SLC1A1: variants seen among roughly 807,000 people sequenced by gnomAD.
SLC1A1 encodes solute carrier family 1 member 1.
SLC1A1 carries 43 observed loss-of-function variants against 53.3 expected under a neutral mutation model. That is an observed-to-expected ratio of 0.81 (90% CI 0.63 to 1.04). The LOEUF (loss-of-function observed/expected upper bound fraction) is 1.04, where lower values mean the gene tolerates loss of function less well. Among genes scored for constraint, SLC1A1 ranks in the 50% least tolerant of loss-of-function variants. The pLI, the probability that SLC1A1 is intolerant of heterozygous loss-of-function variation, is 0.00. For synonymous variants in SLC1A1, 307 were observed against 243.2 expected, an observed-to-expected ratio of 1.26 and a Z score of -2.44; for missense variants, 748 against 664.9, an observed-to-expected ratio of 1.12 and a Z score of -1.37.
intron 3 of SLC1A1, among the ~76,000 whole-genome samples, chr9:4,564,100 C>A (rs1819248405): frequency 6.6e-6 from 1 of 152,142 alleles, no homozygotes; most frequent in Non-Finnish European, 1.5e-5. Context: ...CACATACACA[C>A]ACACACAGAC....
chr9:4,498,988 T>TTA (rs1264356591), intron 1 of SLC1A1, among the ~76,000 whole-genome samples: 1 of 136,308 alleles, frequency 7.3e-6, no homozygotes, highest in South Asian at 2.1e-4. Flanking sequence ...ATCTTATATA[T>TTA]TATATATAAG....
chr9:4,516,015 G>A (rs115187127), intron 1 of SLC1A1, among the ~76,000 whole-genome samples: 351 of 152,288 alleles, frequency 2.3e-3, no homozygotes, highest in African/African-American at 8.1e-3. Context: ...CCTTTTGAGT[G>A]TAAGCCACAT....
intron 10 of SLC1A1, among the ~76,000 whole-genome samples, chr9:4,578,102 G>C (rs1820733716): frequency 1.3e-5 from 2 of 152,230 alleles, no homozygotes; most frequent in East Asian, 3.8e-4. Context: ...GATTGAATTT[G>C]AAATGCCTTT....
chr9:4,496,016 TGTGGA>T (rs1586684846), intron 1 of SLC1A1, among the ~76,000 whole-genome samples: 1 of 151,912 alleles, frequency 6.6e-6, no homozygotes, highest in African/African-American at 2.4e-5. Context: ...AGGAGACAAA[TGTGGA>T]GTGGAGTGTC....
chr9:4,531,564 C>G (rs569539042), intron 1 of SLC1A1, among the ~76,000 whole-genome samples: 2 of 152,252 alleles, frequency 1.3e-5, no homozygotes, highest in East Asian at 3.9e-4. Context: ...CCGGGAAGCT[C>G]GAACTGGGTG....
chr9:4,574,795 A>C lies in SLC1A1; in HGVS notation c.875+781A>C, dbSNP rs139173785. ...ACAAGTCAATACCTACAAACACCCA[A>C]CTTGAGCAATGAACTCACCTATTGG... On this transcript the variant is annotated intron_variant, in intron 8 of 11. Transcript: ENST00000262352. Among the ~76,000 whole-genome samples the C allele has an allele frequency of 2.9e-3, 440 of 152,280 alleles. 1 individual carries two copies. Among genetic ancestry groups the C allele is most frequent in the African/African-American group, 9.9e-3 (413 of 41,548 alleles).
rs151011035 is a variant in SLC1A1, at chr9:4,583,146, C to A, written c.1302C>A (p.Thr434=). 626 of 1,614,094 alleles carry A rather than the reference C, an allele frequency of 3.9e-4. No individual in the cohort carries two copies. Among genetic ancestry groups the A allele is most frequent in the Non-Finnish European group, 4.6e-4 (547 of 1,180,052 alleles). ...TGGGCCTGCCCGCCGAGGATGTCACCCTGATCATTGCTGTCGACTGGCTCC... is the reference window on the plus strand; with the variant it reads ...TGGGCCTGCCCGCCGAGGATGTCACACTGATCATTGCTGTCGACTGGCTCC... ...SAVGLPAEDV[T]LIIAVDWLLD... The change falls in exon 11 of 12, where the codon ACC becomes ACA. Residue 434 remains threonine, a synonymous_variant. Coordinates refer to ENST00000262352, the MANE Select transcript of SLC1A1 (RefSeq NM_004170.6). The surrounding 1 kb of genome is among the most constrained non-coding windows in gnomAD (Gnocchi z 4.6).
chr9:4,569,369 C>A (rs1819808775), intron 6 of SLC1A1, among the ~76,000 whole-genome samples: 1 of 152,170 alleles, frequency 6.6e-6, no homozygotes, highest in African/African-American at 2.4e-5. Context: ...AAATATTCTG[C>A]CAAGGAGAGA....
chr9:4,556,471 C>T lies in SLC1A1; in HGVS notation c.233-4978C>T, dbSNP rs1468245250. ...CCCCCTATAGGACAGCTTTCAACTC[C>T]CAGGAGAAACGAGTTCTGATAGTGA... On this transcript the variant is annotated intron_variant, in intron 2 of 11. Coordinates refer to ENST00000262352, the MANE Select transcript of SLC1A1 (RefSeq NM_004170.6). This position sits in a 1 kb window ranked among gnomAD's most constrained non-coding sequence, Gnocchi z 4.1. Among the ~76,000 whole-genome samples, 1 of 152,114 alleles carries T rather than the reference C, an allele frequency of 6.6e-6. No homozygotes were observed. The highest frequency in any genetic ancestry group is 2.4e-5 in the African/African-American group (1 of 41,410).
At chr9:4,536,519 C>A (rs902297409) in intron 1 of SLC1A1, among the ~76,000 whole-genome samples, 10 of 152,220 alleles carry the variant, frequency 6.6e-5, no homozygotes, top group African/African-American at 2.4e-4. Flanking sequence ...GTTAGAATGG[C>A]AATCATTAAA....
intron 1 of SLC1A1, among the ~76,000 whole-genome samples, chr9:4,490,998 T>G (rs1820215121): frequency 6.6e-6 from 1 of 152,214 alleles, no homozygotes; most frequent in East Asian, 1.9e-4. Flanking sequence ...CTCCTTGAGC[T>G]GCTGGTTCCT....
At chr9:4,506,249 GC>G (rs1163156711) in intron 1 of SLC1A1, among the ~76,000 whole-genome samples, 1 of 152,210 alleles carries the variant, frequency 6.6e-6, no homozygotes, top group Non-Finnish European at 1.5e-5. Flanking sequence ...GAGCCATCAT[GC>G]CCGGCCAAAT....
chr9:4,518,638 C>A (rs1815950437), intron 1 of SLC1A1, among the ~76,000 whole-genome samples: 1 of 152,140 alleles, frequency 6.6e-6, no homozygotes, highest in Non-Finnish European at 1.5e-5. Context: ...ACTCCAGCTG[C>A]CTGTCAATGT....
intron 1 of SLC1A1, among the ~76,000 whole-genome samples, chr9:4,513,281 A>G (rs1263105508): frequency 6.6e-6 from 1 of 152,224 alleles, no homozygotes; most frequent in Admixed American, 6.5e-5. Context: ...GACTGGGAGA[A>G]AAGAATTGCA....
At chr9:4,527,103 T>A (rs74481485) in intron 1 of SLC1A1, among the ~76,000 whole-genome samples, 2 of 152,144 alleles carry the variant, frequency 1.3e-5, no homozygotes, top group African/African-American at 4.8e-5. Context: ...GAGGGCCACA[T>A]GGCAAGGAAC....
intron 1 of SLC1A1, among the ~76,000 whole-genome samples, chr9:4,529,938 G>A (rs1432993401): frequency 6.6e-6 from 1 of 152,152 alleles, no homozygotes; most frequent in Non-Finnish European, 1.5e-5. Context: ...TGCCTTGAAT[G>A]CTACCAGGTG....
At chr9:4,552,244 G>T (rs1817994840) in intron 2 of SLC1A1, among the ~76,000 whole-genome samples, 1 of 152,084 alleles carries the variant, frequency 6.6e-6, no homozygotes, top group Non-Finnish European at 1.5e-5. Flanking sequence ...GACACACAAG[G>T]TGTAAAATTA....
intron 1 of SLC1A1, among the ~76,000 whole-genome samples, chr9:4,491,305 G>A (rs1820229317): frequency 6.6e-6 from 1 of 152,182 alleles, no homozygotes. Context: ...GCAGTGCGTG[G>A]AAAGGTGCCT....
chr9:4,515,102 T>C (rs1473856937), intron 1 of SLC1A1, among the ~76,000 whole-genome samples: 1 of 151,574 alleles, frequency 6.6e-6, no homozygotes, highest in Non-Finnish European at 1.5e-5. Flanking sequence ...CCATGTTGCC[T>C]CTCCAGCATG....
Sources: gnomAD v4.1 joint callset for allele counts (sites outside exome capture counted in the v4.1 genomes callset) on GRCh38, gnomAD v4.1.1 for gene constraint, Gnocchi (gnomAD v3.1) non-coding constraint, MANE v1.5 for transcripts, NCBI Gene and HGNC (gene_info 2026-07-23, HGNC 2026-07-21) for gene names.